The following SULF1 variants were observed in gnomAD, a reference collection of about 807,000 sequenced individuals.
SULF1 encodes sulfatase 1, also known as extracellular sulfatase Sulf-1.
SULF1 carries 46 observed loss-of-function variants against 110.5 expected under a neutral mutation model. That is an observed-to-expected ratio of 0.42 (90% CI 0.33 to 0.53). The LOEUF (loss-of-function observed/expected upper bound fraction) is 0.53, where lower values mean the gene tolerates loss of function less well. Ranked by LOEUF, SULF1 falls within the 20% of genes least tolerant of loss-of-function variation. The probability of loss-of-function intolerance (pLI) is 0.12; values close to 1 mark genes in which losing one functional copy is unlikely to be tolerated. For missense variants in SULF1, 941 were observed against 1,094.2 expected (o/e 0.86, Z 1.98); for synonymous variants, 371 against 387.1 (o/e 0.96, Z 0.49).
chr8:69,538,689 T>C (rs1407023619), intron 3 of SULF1, among the ~76,000 whole-genome samples: 1 of 143,132 alleles, frequency 7.0e-6, no homozygotes, highest in Non-Finnish European at 1.5e-5. Context: ...TTATTTTCTT[T>C]TTTCTTTTTT....
intron 8 of SULF1, among the ~76,000 whole-genome samples, chr8:69,596,579 G>A (rs532177985): frequency 5.9e-5 from 9 of 152,118 alleles, no homozygotes; most frequent in Non-Finnish European, 1.3e-4. Flanking sequence ...CTTTTGATAG[G>A]AAGAAAGGAT....
At position 69,576,014 on chromosome 8, in the gene SULF1, G is replaced by C; in HGVS notation, c.217G>C (p.Gly73Arg). Residue 73 changes from glycine to arginine, a missense_variant, in exon 6 of 23, where the codon GGG becomes CGG. Gly to Arg is a moderately radical substitution (Grantham distance 125). Transcript: ENST00000402687. ...CAAAACGAGAAAGATTATGGAACAT[G>C]GGGGGGCCACCTTCATCAATGCCTT... ...MNKTRKIMEH[G>R]GATFINAFVT... 6.2e-7 allele frequency: 1 copy of C among 1,613,854 alleles called. No homozygotes were observed. The highest frequency in any genetic ancestry group is 8.5e-7 in the Non-Finnish European group (1 of 1,179,870).
intron 13 of SULF1, among the ~76,000 whole-genome samples, chr8:69,615,841 A>T (rs935894063): frequency 2.6e-5 from 4 of 152,068 alleles, no homozygotes; most frequent in Non-Finnish European, 5.9e-5. Context: ...TTCTGCCTAC[A>T]CCTTTGTGTT....
intron 1 of SULF1, among the ~76,000 whole-genome samples, chr8:69,476,761 G>A (rs912951405): frequency 4.4e-4 from 67 of 152,300 alleles, no homozygotes; most frequent in African/African-American, 1.5e-3. Context: ...AGACATGAGG[G>A]ATTAATTGAC....
chr8:69,571,390 A>G (rs893689903), intron 5 of SULF1, among the ~76,000 whole-genome samples: 3 of 152,228 alleles, frequency 2.0e-5, no homozygotes, highest in Non-Finnish European at 4.4e-5. Context: ...TGAGAAACAC[A>G]AACCAAAAAA....
chr8:69,654,277 G>A (rs1283379984), intron 22 of SULF1, among the ~76,000 whole-genome samples: 1 of 152,182 alleles, frequency 6.6e-6, no homozygotes, highest in African/African-American at 2.4e-5. Context: ...CTTCGGAAGA[G>A]ACATTAGATT....
chr8:69,636,687 A>C (rs924985207), intron 19 of SULF1, among the ~76,000 whole-genome samples: 1 of 152,218 alleles, frequency 6.6e-6, no homozygotes, highest in Non-Finnish European at 1.5e-5. Flanking sequence ...AGGTGAATAC[A>C]GCAGATGAGG....
chr8:69,497,753 C>G (rs1810467057), intron 2 of SULF1, among the ~76,000 whole-genome samples: 1 of 152,090 alleles, frequency 6.6e-6, no homozygotes, highest in Admixed American at 6.5e-5. Context: ...GATTTCTGAA[C>G]AACGGGGACA....
intron 3 of SULF1, among the ~76,000 whole-genome samples, chr8:69,554,999 C>A (rs6994561): frequency 0.18 from 11,881 of 67,532 alleles, 1,563 homozygotes; most frequent in African/African-American, 0.34. Flanking sequence ...AAAAAAAAAA[C>A]AAAAAAAAAA....
chr8:69,593,067 G>A, intron 8 of SULF1: 1 of 655,536 alleles, frequency 1.5e-6, no homozygotes, highest in Non-Finnish European at 1.9e-6. Flanking sequence ...TCTCTTTGCT[G>A]CTAATCCTTG....
At chr8:69,566,280 A>G (rs1044073737) in intron 5 of SULF1, among the ~76,000 whole-genome samples, 2 of 152,208 alleles carry the variant, frequency 1.3e-5, no homozygotes. Flanking sequence ...AGTATTCATC[A>G]TCATCTACCT....
At chr8:69,479,314 T>C (rs1326139687) in intron 1 of SULF1, among the ~76,000 whole-genome samples, 1 of 152,218 alleles carries the variant, frequency 6.6e-6, no homozygotes, top group African/African-American at 2.4e-5. Context: ...CAGATTTTTA[T>C]GGATAGTGCT....
At chr8:69,619,620 G>A (rs1432648262) in intron 13 of SULF1, among the ~76,000 whole-genome samples, 1 of 152,230 alleles carries the variant, frequency 6.6e-6, no homozygotes, top group Non-Finnish European at 1.5e-5. Flanking sequence ...CCCCGTATGT[G>A]TCTGTTGGGA....
chr8:69,611,972 G>A (rs1178744640), intron 13 of SULF1, among the ~76,000 whole-genome samples: 1 of 152,048 alleles, frequency 6.6e-6, no homozygotes, highest in Non-Finnish European at 1.5e-5. Flanking sequence ...ACTATACCCA[G>A]TTTGTAGTCT....
intron 3 of SULF1, among the ~76,000 whole-genome samples, chr8:69,506,750 A>G (rs1040407311): frequency 1.3e-5 from 2 of 152,242 alleles, no homozygotes; most frequent in African/African-American, 4.8e-5. Flanking sequence ...TCAGGCAGGA[A>G]GTTAAGAGAA....
chr8:69,494,359 G>C (rs113479561), intron 1 of SULF1, among the ~76,000 whole-genome samples: 3,033 of 152,100 alleles, frequency 0.02, 107 homozygotes, highest in African/African-American at 0.069. Flanking sequence ...AATGGATCAA[G>C]TGGAGAAATT....
chr8:69,545,075 T>C (rs1461518950), intron 3 of SULF1, among the ~76,000 whole-genome samples: 1 of 136,352 alleles, frequency 7.3e-6, no homozygotes, highest in African/African-American at 2.8e-5. Flanking sequence ...TATAAAAAGA[T>C]AAAGGAATTC....
chr8:69,615,348 A>T (rs910129001), intron 13 of SULF1, among the ~76,000 whole-genome samples: 1 of 152,232 alleles, frequency 6.6e-6, no homozygotes, highest in Non-Finnish European at 1.5e-5. Flanking sequence ...TTTATTGTGC[A>T]GTCATAAAAA....
At chr8:69,564,431 G>C (rs1401829645) in intron 5 of SULF1, among the ~76,000 whole-genome samples, 1 of 152,170 alleles carries the variant, frequency 6.6e-6, no homozygotes, top group Non-Finnish European at 1.5e-5. Flanking sequence ...AGGATTGAAA[G>C]CCCTCAGTTA....
Sources: allele counts gnomAD v4.1 joint callset (sites outside exome capture counted in the v4.1 genomes callset), GRCh38; gene constraint gnomAD v4.1.1; transcripts MANE v1.5; gene names NCBI Gene and HGNC (gene_info 2026-07-23, HGNC 2026-07-21).